Variants in ESRRG observed in about 807,000 individuals in gnomAD.
ESRRG encodes estrogen-related receptor gamma.
In ESRRG, 13 loss-of-function variants were observed where a neutral mutation model predicts 44.0. That is an observed-to-expected ratio of 0.30 (90% CI 0.19 to 0.47). ESRRG has a LOEUF of 0.47. ESRRG is among the 20% of genes least tolerant of loss of function. The pLI, the probability that ESRRG is intolerant of heterozygous loss-of-function variation, is 1.00. For missense variants in ESRRG, 395 were observed against 580.6 expected (o/e 0.68, Z 3.29); for synonymous variants, 215 against 214.6 (o/e 1.00, Z -0.02).
chr1:217,041,122 T>G (rs1052256204), intron 1 of ESRRG, among the ~76,000 whole-genome samples: 1 of 152,138 alleles, frequency 6.6e-6, no homozygotes, highest in African/African-American at 2.4e-5. Context: ...TAGAGAATTT[T>G]AAACTAAGCA....
chr1:217,063,911 G>A (rs1012514330), intron 1 of ESRRG, among the ~76,000 whole-genome samples: 5 of 152,028 alleles, frequency 3.3e-5, no homozygotes, highest in African/African-American at 1.2e-4. Flanking sequence ...AAGTTTCTCA[G>A]GACTCCAGTA....
chr1:217,136,181 A>G (rs571221687), intron 1 of ESRRG, among the ~76,000 whole-genome samples: 1 of 152,096 alleles, frequency 6.6e-6, no homozygotes, highest in Non-Finnish European at 1.5e-5. Flanking sequence ...TGTTGAAGAC[A>G]GGGGGCGGAG....
chr1:216,512,979 AACGGATTCTTCCCT>A (rs1244015836), intron 6 of ESRRG, among the ~76,000 whole-genome samples: 2 of 152,184 alleles, frequency 1.3e-5, no homozygotes, highest in Non-Finnish European at 2.9e-5. Flanking sequence ...AGGTCATGGA[AACGGATTCTTCCCT>A]AGAGTCTCCA....
intron 2 of ESRRG, among the ~76,000 whole-genome samples, chr1:216,874,233 T>A (rs2096310298): frequency 6.6e-6 from 1 of 152,092 alleles, no homozygotes; most frequent in Non-Finnish European, 1.5e-5. Context: ...CCAGTTCTGA[T>A]CTCCTACTCT....
At chr1:216,923,651 T>C (rs1050452877) in intron 2 of ESRRG, among the ~76,000 whole-genome samples, 6 of 152,164 alleles carry the variant, frequency 3.9e-5, no homozygotes, top group African/African-American at 1.4e-4. Flanking sequence ...TTAGAAACAG[T>C]GGCAGCAGGT....
intron 2 of ESRRG, among the ~76,000 whole-genome samples, chr1:216,876,527 G>A (rs575659274): frequency 8.6e-4 from 130 of 151,908 alleles, no homozygotes; most frequent in African/African-American, 2.9e-3. Flanking sequence ...ATATTTTCAG[G>A]GAGGTGGAAA....
intron 2 of ESRRG, among the ~76,000 whole-genome samples, chr1:216,935,147 C>T (rs965448649): frequency 2.0e-5 from 3 of 152,154 alleles, no homozygotes; most frequent in Non-Finnish European, 4.4e-5. Context: ...CTTTTGCTTT[C>T]CCACATGTCA....
chr1:216,694,222 T>G (rs1330000060), intron 1 of ESRRG, among the ~76,000 whole-genome samples: 2 of 152,094 alleles, frequency 1.3e-5, no homozygotes, highest in Non-Finnish European at 2.9e-5. Flanking sequence ...TAAATAAAAA[T>G]TATTTGCATT....
At chr1:216,978,794 T>G (rs1400894824) in intron 1 of ESRRG, among the ~76,000 whole-genome samples, 1 of 152,178 alleles carries the variant, frequency 6.6e-6, no homozygotes. Flanking sequence ...AAATGAGAGC[T>G]GTGAGCCACT....
intron 1 of ESRRG, among the ~76,000 whole-genome samples, chr1:217,063,303 A>T (rs1200137881): frequency 6.6e-6 from 1 of 152,240 alleles, no homozygotes; most frequent in African/African-American, 2.4e-5. Flanking sequence ...ACTGTGAAGT[A>T]ACTGTATCCA....
intron 2 of ESRRG, among the ~76,000 whole-genome samples, chr1:216,924,104 A>C (rs1171328640): frequency 6.6e-6 from 1 of 152,162 alleles, no homozygotes; most frequent in Admixed American, 6.5e-5. Context: ...TGGATCCAGA[A>C]ATGAAGGGCA....
chr1:216,601,359 T>G (rs546506912), intron 3 of ESRRG, among the ~76,000 whole-genome samples: 104 of 152,144 alleles, frequency 6.8e-4, no homozygotes, highest in African/African-American at 2.3e-3. Context: ...ACGCCGGGCT[T>G]CAAACAGAAA....
At chr1:216,829,805 C>T (rs765941734) in intron 2 of ESRRG, among the ~76,000 whole-genome samples, 83 of 152,180 alleles carry the variant, frequency 5.5e-4, no homozygotes, top group Non-Finnish European at 7.8e-4. Context: ...CCACCCTCCT[C>T]GGCCTCCCAA....
intron 2 of ESRRG, among the ~76,000 whole-genome samples, chr1:216,867,616 T>A (rs1308849168): frequency 6.6e-6 from 1 of 152,200 alleles, no homozygotes; most frequent in Non-Finnish European, 1.5e-5. Flanking sequence ...ACATCTTTAT[T>A]AGCATGCTTT....
chr1:216,537,489 G>A (rs2051335413), intron 5 of ESRRG, among the ~76,000 whole-genome samples: 1 of 152,104 alleles, frequency 6.6e-6, no homozygotes, highest in African/African-American at 2.4e-5. Context: ...GAGCCTTCTT[G>A]TTTTGGTTCA....
At chr1:216,943,390 G>A (rs1030845) in intron 1 of ESRRG, among the ~76,000 whole-genome samples, 99,953 of 152,002 alleles carry the variant, frequency 0.66, 35,117 homozygotes, top group Middle Eastern at 0.81. Flanking sequence ...AAGGGGAATT[G>A]CCTCTCTAAA....
chr1:216,746,531 T>C (rs746438594), intron 2 of ESRRG, among the ~76,000 whole-genome samples: 12 of 152,206 alleles, frequency 7.9e-5, no homozygotes, highest in Non-Finnish European at 1.6e-4. Context: ...TTAAAGTTCT[T>C]AATTTTCGTA....
chr1:216,856,051 TG>T (rs201540468), intron 2 of ESRRG, among the ~76,000 whole-genome samples: 5,096 of 152,162 alleles, frequency 0.033, 127 homozygotes, highest in Non-Finnish European at 0.05. Context: ...ACCTACTACC[TG>T]GGGCATTGTG....
chr1:216,867,635 A>G (rs2096189002), intron 2 of ESRRG, among the ~76,000 whole-genome samples: 2 of 152,202 alleles, frequency 1.3e-5, no homozygotes, highest in Non-Finnish European at 2.9e-5. Context: ...TTGTAAGTCC[A>G]AGTCCAATTC....
Sources: gnomAD v4.1 joint callset for allele counts (sites outside exome capture counted in the v4.1 genomes callset) on GRCh38, gnomAD v4.1.1 for gene constraint, MANE v1.5 for transcripts, NCBI Gene and HGNC (gene_info 2026-07-23, HGNC 2026-07-21) for gene names.